Variants in MCF2L2 observed in about 807,000 individuals in gnomAD.
MCF2L2 encodes probable guanine nucleotide exchange factor MCF2L2.
MCF2L2 carries 102 observed loss-of-function variants against 150.2 expected under a neutral mutation model. The ratio of observed to expected loss-of-function variants is 0.68; its 90% CI spans 0.58 to 0.80. The LOEUF is 0.80. MCF2L2 is among the 30% of genes least tolerant of loss of function. The pLI is 0.00. For synonymous variants in MCF2L2, 465 were observed against 491.3 expected (o/e 0.95, Z 0.71); for missense variants, 1,256 against 1,372.8 (o/e 0.91, Z 1.34).
At chr3:183,386,529 T>C (rs1410392227) in intron 2 of MCF2L2, among the ~76,000 whole-genome samples, 1 of 152,252 alleles carries the variant, frequency 6.6e-6, no homozygotes, top group East Asian at 1.9e-4. Flanking sequence ...CAGCTAGGGC[T>C]GCATTGAGGG....
chr3:183,353,794 A>T (rs1242115835), intron 3 of MCF2L2, among the ~76,000 whole-genome samples: 1 of 152,184 alleles, frequency 6.6e-6, no homozygotes, highest in East Asian at 1.9e-4. Context: ...CAGGGCCTCC[A>T]CTGCCTCCAA....
intron 25 of MCF2L2, among the ~76,000 whole-genome samples, chr3:183,205,022 T>C (rs187679992): frequency 2.6e-5 from 4 of 152,358 alleles, no homozygotes; most frequent in Admixed American, 2.6e-4. Context: ...GTACAGAATT[T>C]TTTTGTTGGG....
intron 3 of MCF2L2, among the ~76,000 whole-genome samples, chr3:183,361,325 A>G (rs7638798): frequency 0.017 from 2,643 of 152,250 alleles, 82 homozygotes; most frequent in African/African-American, 0.061. Context: ...TGTACTGCTT[A>G]GTTACTGATA....
chr3:183,310,851 A>T (rs1389025997), intron 9 of MCF2L2, 64 bp downstream of exon 9: 2 of 1,048,030 alleles, frequency 1.9e-6, no homozygotes, highest in Non-Finnish European at 2.9e-6. Flanking sequence ...AAGAGTGAGG[A>T]GGGAGAGAAA....
intron 3 of MCF2L2, among the ~76,000 whole-genome samples, chr3:183,362,173 C>T (rs1246326563): frequency 2.7e-5 from 4 of 149,898 alleles, no homozygotes; most frequent in African/African-American, 1.0e-4. Flanking sequence ...GGTGTGATCT[C>T]AGCTCACTGC....
chr3:183,196,444 G>A (rs1722085699), intron 25 of MCF2L2, among the ~76,000 whole-genome samples: 1 of 152,198 alleles, frequency 6.6e-6, no homozygotes, highest in Non-Finnish European at 1.5e-5. Flanking sequence ...GCAGGCGTAA[G>A]GTACTGACAG....
rs1025802640 is a variant in MCF2L2, at chr3:183,267,716, C to T, written c.1862+9156G>A. On this transcript the variant is annotated intron_variant, in intron 15 of 29. Transcript: ENST00000328913. The surrounding 1 kb of genome is among the most constrained non-coding windows in gnomAD (Gnocchi z 5.5). ...GGAAGTGTTTTACCTGTGGTAAGCA[C>T]GGGGGACAGAATTCTTGAGGAAGGA... 3.9e-5 allele frequency among the ~76,000 whole-genome samples: 6 copies of T among 152,260 alleles called. No individual in the cohort carries two copies. The highest frequency in any genetic ancestry group is 2.1e-4 in the South Asian group (1 of 4,824).
At chr3:183,309,946 GTATATATC>G (rs2108508145) in intron 9 of MCF2L2, 111 bp from the exon 10 acceptor site, 1 of 1,283,560 alleles carries the variant, frequency 7.8e-7, no homozygotes, top group African/African-American at 1.5e-5. Context: ...TTCAAGACTT[GTATATATC>G]TATATATGTT....
In MCF2L2 at chr3:183,297,136, A is replaced by G. The variant is rs1050538122; in HGVS notation, c.1337T>C (p.Leu446Pro). The change falls in exon 12 of 30, where the codon CTC becomes CCC. Residue 446 changes from leucine to proline, a missense_variant. Physicochemically the swap from Leu to Pro is moderately conservative, Grantham distance 98 (BLOSUM62 -3). Coordinates refer to ENST00000328913, the MANE Select transcript of MCF2L2 (RefSeq NM_015078.4). ...CTTGTCTACAGCTTGGGAAGCCAAGAGGTAGATTCCTGCCTCACACCATTG... is the reference window on the plus strand; with the variant it reads ...CTTGTCTACAGCTTGGGAAGCCAAGGGGTAGATTCCTGCCTCACACCATTG... The part of the protein sequence containing the change: ...VSQWCEAGIY[L>P]LASQAVDKCQ... 30 of 1,613,962 alleles carry G rather than the reference A, an allele frequency of 1.9e-5. No homozygotes were observed. The highest frequency in any genetic ancestry group is 2.3e-5 in the Non-Finnish European group (27 of 1,180,006).
At chr3:183,292,985 A>G (rs1367909049) in intron 13 of MCF2L2, among the ~76,000 whole-genome samples, 2 of 152,226 alleles carry the variant, frequency 1.3e-5, no homozygotes, top group Non-Finnish European at 2.9e-5. Context: ...TAGGATAACA[A>G]AACAGGAACT....
chr3:183,418,424 T>C (rs1715710248), intron 1 of MCF2L2, among the ~76,000 whole-genome samples: 1 of 152,232 alleles, frequency 6.6e-6, no homozygotes. Flanking sequence ...AAACCAATTA[T>C]GTCTTCCCAA....
intron 6 of MCF2L2, 53 bp downstream of exon 6, chr3:183,323,182 T>C: frequency 7.7e-7 from 1 of 1,298,008 alleles, no homozygotes; most frequent in East Asian, 2.5e-5. Flanking sequence ...CCCCACCCCA[T>C]CTTCCAGAAA....
intron 15 of MCF2L2, among the ~76,000 whole-genome samples, chr3:183,248,128 G>GAAAAAA (rs1724341426): frequency 6.6e-6 from 1 of 151,946 alleles, no homozygotes; most frequent in Non-Finnish European, 1.5e-5. Flanking sequence ...TCCCAAGAGG[G>GAAAAAA]TTTACTTATT....
chr3:183,216,552 T>TTTTA (rs1553883156), intron 21 of MCF2L2, among the ~76,000 whole-genome samples: 3 of 33,104 alleles, frequency 9.1e-5, no homozygotes, highest in African/African-American at 2.2e-4. Context: ...AGTATATATA[T>TTTTA]TATATATATA....
chr3:183,341,894 G>A (rs1179128480), intron 3 of MCF2L2, among the ~76,000 whole-genome samples: 1 of 152,204 alleles, frequency 6.6e-6, no homozygotes, highest in Non-Finnish European at 1.5e-5. Flanking sequence ...CAAGCCCAAA[G>A]GAAATATGCA....
intron 15 of MCF2L2, among the ~76,000 whole-genome samples, chr3:183,252,830 A>C (rs560922187): frequency 6.6e-6 from 1 of 152,322 alleles, no homozygotes; most frequent in Admixed American, 6.5e-5. Flanking sequence ...TATCTCCGTT[A>C]AATGTTTTGT....
chr3:183,379,175 GTTA>G, intron 3 of MCF2L2, 119 bp downstream of exon 3: 4 of 621,422 alleles, frequency 6.4e-6, no homozygotes, highest in Non-Finnish European at 1.1e-5. Context: ...AGCCAGCTGG[GTTA>G]TTATGCATAC....
intron 5 of MCF2L2, among the ~76,000 whole-genome samples, chr3:183,336,992 C>T (rs1730509525): frequency 6.6e-6 from 1 of 151,990 alleles, no homozygotes; most frequent in Admixed American, 6.6e-5. Flanking sequence ...ATAGTTTTGC[C>T]TATTTTGAAA....
At chr3:183,417,356 A>T (rs1295924095) in intron 1 of MCF2L2, among the ~76,000 whole-genome samples, 2 of 152,174 alleles carry the variant, frequency 1.3e-5, no homozygotes, top group Admixed American at 6.5e-5. Flanking sequence ...TCAACTTATG[A>T]TGAAGTTACA....
Sources: allele counts gnomAD v4.1 joint callset (sites outside exome capture counted in the v4.1 genomes callset), GRCh38; gene constraint gnomAD v4.1.1; non-coding constraint Gnocchi (gnomAD v3.1); transcripts MANE v1.5; gene names NCBI Gene and HGNC (gene_info 2026-07-23, HGNC 2026-07-21).